Variants in RBM23 observed in about 807,000 individuals in gnomAD.
RBM23 encodes the protein probable RNA-binding protein 23.
In RBM23, 53 loss-of-function variants were observed where a neutral mutation model predicts 56.2. The observed-to-expected ratio is 0.94, with a 90% CI of 0.76 to 1.19. The LOEUF is 1.19. RBM23 is among the 50% of genes most tolerant of loss of function. The probability of loss-of-function intolerance (pLI) is 0.00; values close to 1 mark genes in which losing one functional copy is unlikely to be tolerated. For synonymous variants in RBM23, 197 were observed against 198.5 expected (o/e 0.99, Z 0.06); for missense variants, 642 against 590.3 (o/e 1.09, Z -0.91).
In RBM23 at chr14:22,903,812, G is replaced by T. The variant is rs368591899; in HGVS notation, c.930+449C>A. On this transcript the variant is annotated intron_variant, in intron 10 of 13. Coordinates refer to ENST00000359890, the MANE Select transcript of RBM23 (RefSeq NM_001077351.2). ...CTCACTATTCTCCCCATAGTGCTAC[G>T]TTAATAACTGATCCTTCTCGGTGCA... 29 of 1,099,916 alleles carry T rather than the reference G, an allele frequency of 2.6e-5. No homozygotes were observed. The African/African-American group carries it at 4.4e-4, about 17-fold the overall frequency. The allele number at this position is 1,099,916 out of a possible 1,614,324, so 68.1% of individuals were successfully genotyped here.
chr14:22,903,853 G>GA (rs1435890215), intron 10 of RBM23: 1 of 1,116,166 alleles, frequency 9.0e-7, no homozygotes, highest in East Asian at 6.7e-5. Flanking sequence ...TGCTTCAAAT[G>GA]GGGTAGCACC....
chr14:22,914,468 G>C (rs745566094), intron 1 of RBM23, among the ~76,000 whole-genome samples: 2 of 152,096 alleles, frequency 1.3e-5, no homozygotes, highest in Admixed American at 6.6e-5. Context: ...CTCCAGCCTG[G>C]ATGACACAGC....
At position 22,906,458 on chromosome 14, in the gene RBM23, C is replaced by T. The variant is rs184959343; in HGVS notation, c.228-90G>A. On this transcript the variant is annotated intron_variant, in intron 4 of 13. Transcript: ENST00000359890. ...CAACAGTGGTCCCATAAGATTATAACGGTGCTGAGAAGTTCGTATAACCTA... is the reference window on the plus strand; with the variant it reads ...CAACAGTGGTCCCATAAGATTATAATGGTGCTGAGAAGTTCGTATAACCTA... 1.4e-5 allele frequency: 21 copies of T among 1,462,110 alleles called. No homozygotes were observed. The East Asian group carries it at 1.6e-4, about 11-fold the overall frequency. 90.6% of individuals were successfully genotyped at this position (1,462,110 alleles called of 1,614,324 possible).
In RBM23 at chr14:22,918,506, G is replaced by A. The variant is rs369687345; in HGVS notation, c.-11+493C>T. On this transcript the variant is annotated intron_variant, in intron 1 of 13. Transcript: ENST00000359890. ...GGCATCATAATACGCCTACTGGAAT[G>A]AGTGCTTGAAAAAGTTAAATGGGAA... Among the ~76,000 whole-genome samples the A allele has an allele frequency of 1.8e-4, 28 of 152,308 alleles. No homozygotes were observed. The East Asian group carries it at 1.9e-3, about 10-fold the overall frequency.
chr14:22,905,532 T>A, intron 6 of RBM23, 74 bp downstream of exon 6: 3 of 1,585,484 alleles, frequency 1.9e-6, no homozygotes, highest in Non-Finnish European at 2.6e-6. Flanking sequence ...GTATTACACA[T>A]TCCTGTAATT....
chr14:22,917,628 T>C (rs1256333413), intron 1 of RBM23: 1 of 151,866 alleles, frequency 6.6e-6, no homozygotes, highest in South Asian at 2.1e-4. Flanking sequence ...GCCAGGATGG[T>C]CGCGATCTCC....
chr14:22,894,027 C>G lies in RBM23; in HGVS notation c.*7703G>C, dbSNP rs556928103. The G allele has an allele frequency of 1.3e-5, 2 of 152,196 alleles. No homozygotes were observed. Among genetic ancestry groups the G allele is most frequent in the African/African-American group, 4.8e-5 (2 of 41,430 alleles). 9.4% of individuals were successfully genotyped at this position (152,196 alleles called of 1,614,324 possible). A position where few individuals can be genotyped will look rare whatever the true frequency, so the allele number is the denominator to read the frequency against. On this transcript the variant is annotated 3_prime_UTR_variant, in exon 14 of 14. Coordinates refer to ENST00000359890, the MANE Select transcript of RBM23 (RefSeq NM_001077351.2). ...GCTGAACTCAGCTATGCTATCCCAA[C>G]TCTAAAATGAAGAATACCTACCTTA...
chr14:22,903,981 C>G, intron 10 of RBM23: 1 of 1,365,936 alleles, frequency 7.3e-7, no homozygotes, highest in Non-Finnish European at 9.5e-7. Flanking sequence ...TAGCTGCAGC[C>G]TGGTTACTAT....
intron 3 of RBM23, 133 bp downstream of exon 3, chr14:22,909,350 T>G: frequency 5.5e-6 from 4 of 724,070 alleles, no homozygotes; most frequent in Non-Finnish European, 9.8e-6. Flanking sequence ...ATTATTCTCA[T>G]GACCTAGGTG....
intron 2 of RBM23, 44 bp from the exon 3 acceptor site, chr14:22,909,639 GAC>G: frequency 6.8e-7 from 1 of 1,470,208 alleles, no homozygotes; most frequent in Non-Finnish European, 9.5e-7. Flanking sequence ...TAAGGTGGCA[GAC>G]ACACAGATTC....
intron 10 of RBM23, 49 bp downstream of exon 10, chr14:22,904,212 G>C: frequency 3.7e-6 from 6 of 1,613,740 alleles, no homozygotes; most frequent in Non-Finnish European, 5.1e-6. Flanking sequence ...AATCAGACAA[G>C]TGGACAAACC....
intron 9 of RBM23, among the ~76,000 whole-genome samples, chr14:22,904,536 T>C (rs1004625495): frequency 1.3e-5 from 2 of 151,736 alleles, no homozygotes; most frequent in Non-Finnish European, 1.5e-5. Context: ...TTTTTTTTTT[T>C]CCGAGGCTCA....
Position 22,905,456 on chromosome 14 carries a change from G to C in RBM23, c.456-3C>G, listed in dbSNP as rs182428986. On this transcript the variant is annotated splice_region_variant and splice_polypyrimidine_tract_variant and intron_variant, in intron 6 of 13. Coordinates refer to ENST00000359890, the MANE Select transcript of RBM23 (RefSeq NM_001077351.2). ...GACTCAGATTATCAACTGGCTCCCT[G>C]AAGAGTGAAATGTGTTGAGACCAGC... is the stretch of plus-strand genomic sequence containing the variant. The C allele has an allele frequency of 1.9e-6, 3 of 1,614,050 alleles. No homozygotes were observed. Among genetic ancestry groups the C allele is most frequent in the East Asian group, 4.5e-5 (2 of 44,886 alleles).
Position 22,896,231 on chromosome 14 carries a change from T to C in RBM23, c.*5499A>G, listed in dbSNP as rs1221789872. On this transcript the variant is annotated 3_prime_UTR_variant, in exon 14 of 14. Transcript: ENST00000359890. ...TCTCACAACATCCCTATGAGATAGG[T>C]GTTATCATTTCCTTTTTACAGATGA... 1 of 152,120 alleles carries C rather than the reference T, an allele frequency of 6.6e-6. No individual in the cohort carries two copies. Among genetic ancestry groups the C allele is most frequent in the Non-Finnish European group, 1.5e-5 (1 of 68,020 alleles). 9.4% of individuals were successfully genotyped at this position (152,120 alleles called of 1,614,324 possible). A position where few individuals can be genotyped will look rare whatever the true frequency, so the allele number is the denominator to read the frequency against.
Position 22,898,794 on chromosome 14 carries a change from T to G in RBM23, c.*2936A>C, listed in dbSNP as rs187390235. ...AGGCAAGGCCTGTGGATATTTATAA[T>G]AGTCTGAAGGAGCCAAGCCAGCCAT... On this transcript the variant is annotated 3_prime_UTR_variant, in exon 14 of 14. Coordinates refer to ENST00000359890, the MANE Select transcript of RBM23 (RefSeq NM_001077351.2). 1 of 151,894 alleles carries G rather than the reference T, an allele frequency of 6.6e-6. No homozygotes were observed. The highest frequency in any genetic ancestry group is 1.9e-4 in the East Asian group (1 of 5,130). The allele number at this position is 151,894 out of a possible 1,614,324, so 9.4% of individuals were successfully genotyped here. A position where few individuals can be genotyped will look rare whatever the true frequency, so the allele number is the denominator to read the frequency against.
At chr14:22,912,849 A>AC (rs2042771898) in intron 1 of RBM23, among the ~76,000 whole-genome samples, 1 of 151,684 alleles carries the variant, frequency 6.6e-6, no homozygotes, top group Non-Finnish European at 1.5e-5. Flanking sequence ...AAAATACAAA[A>AC]ATTAGCTGGA....
chr14:22,904,233 T>TA (rs753420792), intron 10 of RBM23, 28 bp downstream of exon 10: 1 of 1,613,590 alleles, frequency 6.2e-7, no homozygotes, highest in African/African-American at 1.3e-5. Flanking sequence ...CAAAGTAAAA[T>TA]AAAAAAATTA....
intron 10 of RBM23, chr14:22,903,886 T>G: frequency 8.5e-7 from 1 of 1,174,220 alleles, no homozygotes; most frequent in African/African-American, 1.6e-5. Flanking sequence ...AATTTCCTAT[T>G]CCCATCCCTG....
chr14:22,906,837 G>C (rs766914034), intron 4 of RBM23, among the ~76,000 whole-genome samples: 2 of 151,526 alleles, frequency 1.3e-5, no homozygotes, highest in Admixed American at 1.3e-4. Flanking sequence ...TCGAGAGTTC[G>C]AGACCAGCCT....
Sources: gnomAD v4.1 joint callset for allele counts (sites outside exome capture counted in the v4.1 genomes callset) on GRCh38, gnomAD v4.1.1 for gene constraint, MANE v1.5 for transcripts, NCBI Gene and HGNC (gene_info 2026-07-23, HGNC 2026-07-21) for gene names.